The following LDLRAD4 variants were observed in gnomAD, a reference collection of about 807,000 sequenced individuals.
LDLRAD4 encodes low-density lipoprotein receptor class A domain-containing protein 4.
LDLRAD4 carries 5 observed loss-of-function variants against 17.0 expected under a neutral mutation model. That is an observed-to-expected ratio of 0.29 (90% CI 0.15 to 0.62). LDLRAD4 has a LOEUF of 0.62. Among genes scored for constraint, LDLRAD4 ranks in the 20% least tolerant of loss-of-function variants. The pLI, the probability that LDLRAD4 is intolerant of heterozygous loss-of-function variation, is 0.84. For synonymous variants in LDLRAD4, 168 were observed against 171.8 expected, an observed-to-expected ratio of 0.98 and a Z score of 0.17; for missense variants, 340 against 424.7, an observed-to-expected ratio of 0.80 and a Z score of 1.75.
rs182997533 is a variant in LDLRAD4, at chr18:13,220,101, T to G, written c.-467+1113T>G. Among the ~76,000 whole-genome samples the G allele has an allele frequency of 4.1e-3, 627 of 152,368 alleles. 4 individuals carry two copies. Among genetic ancestry groups the G allele is most frequent in the African/African-American group, 0.014 (599 of 41,592 alleles). ...TTCCCATCAACCCTTGAAATGTTATTTGATGGACCTTTCTAAGCAGTGCTT... is the reference window on the plus strand; with the variant it reads ...TTCCCATCAACCCTTGAAATGTTATGTGATGGACCTTTCTAAGCAGTGCTT... On this transcript the variant is annotated intron_variant, in intron 1 of 5. Coordinates refer to the LDLRAD4 transcript ENST00000399848.
chr18:13,551,037 C>T (rs933068946), intron 3 of LDLRAD4, among the ~76,000 whole-genome samples: 7 of 152,110 alleles, frequency 4.6e-5, no homozygotes, highest in Admixed American at 6.5e-5. Context: ...AGCACTGGGC[C>T]CTTCTTATCT....
At chr18:13,610,200 C>G (rs989249772) in intron 3 of LDLRAD4, among the ~76,000 whole-genome samples, 1 of 144,820 alleles carries the variant, frequency 6.9e-6, no homozygotes, top group African/African-American at 2.5e-5. Flanking sequence ...TTTCAAAATG[C>G]AAATATGTTC....
Position 13,643,340 on chromosome 18 carries a change from T to A in LDLRAD4, c.337-19T>A. The A allele has an allele frequency of 6.8e-7, 1 of 1,460,572 alleles. No individual in the cohort carries two copies. Among genetic ancestry groups the A allele is most frequent in the Non-Finnish European group, 9.1e-7 (1 of 1,095,534 alleles). 90.5% of individuals were successfully genotyped at this position (1,460,572 alleles called of 1,614,324 possible). ...CTGTTTCTTGTTCCCCCCACTCTCC[T>A]CCCCTTCCCCTCCGCCAGGAAGGGT... On this transcript the variant is annotated intron_variant, in intron 4 of 5. Coordinates refer to ENST00000359446, the Ensembl canonical transcript of LDLRAD4.
intron 1 of LDLRAD4, among the ~76,000 whole-genome samples, chr18:13,356,208 C>T (rs908647905): frequency 2.0e-5 from 3 of 152,224 alleles, no homozygotes; most frequent in African/African-American, 7.2e-5. Context: ...GTGCTGGGAT[C>T]TGGGGCAGGC....
intron 1 of LDLRAD4, among the ~76,000 whole-genome samples, chr18:13,244,191 C>T (rs933297732): frequency 7.2e-6 from 1 of 139,060 alleles, no homozygotes; most frequent in Non-Finnish European, 1.5e-5. Context: ...AATCCACCAT[C>T]CATTCATCCA....
At chr18:13,347,950 G>T (rs1253412129) in intron 1 of LDLRAD4, among the ~76,000 whole-genome samples, 5 of 152,140 alleles carry the variant, frequency 3.3e-5, no homozygotes, top group Admixed American at 3.3e-4. Flanking sequence ...TCTCTGCATT[G>T]GTTATTCTAG....
chr18:13,532,682 G>A (rs770520916), intron 3 of LDLRAD4, among the ~76,000 whole-genome samples: 40 of 152,346 alleles, frequency 2.6e-4, no homozygotes, highest in South Asian at 8.3e-4. Context: ...TAAACAGGGA[G>A]ATGAATCCAC....
chr18:13,319,755 C>CA (rs1370781633), intron 1 of LDLRAD4, among the ~76,000 whole-genome samples: 1 of 152,110 alleles, frequency 6.6e-6, no homozygotes, highest in African/African-American at 2.4e-5. Context: ...ATATTTATGG[C>CA]AAAAACCATG....
intron 3 of LDLRAD4, among the ~76,000 whole-genome samples, chr18:13,442,211 A>G (rs2091068704): frequency 6.6e-6 from 1 of 152,234 alleles, no homozygotes; most frequent in Non-Finnish European, 1.5e-5. Flanking sequence ...GAAACGAGGA[A>G]TGAAGGAAAA....
intron 2 of LDLRAD4, among the ~76,000 whole-genome samples, chr18:13,389,487 C>T (rs1437259319): frequency 3.9e-5 from 6 of 152,174 alleles, no homozygotes; most frequent in African/African-American, 1.4e-4. Context: ...GGAGCGGCAC[C>T]TAGGATTTGA....
intron 1 of LDLRAD4, among the ~76,000 whole-genome samples, chr18:13,360,740 C>T (rs2083614622): frequency 6.6e-6 from 1 of 152,228 alleles, no homozygotes; most frequent in Non-Finnish European, 1.5e-5. Context: ...CAATTGGCCA[C>T]CCTCTTAAAC....
chr18:13,611,510 G>A (rs1210498850), intron 3 of LDLRAD4: 6 of 985,164 alleles, frequency 6.1e-6, no homozygotes, highest in African/African-American at 3.5e-5. Flanking sequence ...TTTACACTCA[G>A]ATGAAACAAA....
intron 3 of LDLRAD4, among the ~76,000 whole-genome samples, chr18:13,547,407 G>A (rs2094380515): frequency 1.3e-5 from 2 of 152,210 alleles, no homozygotes; most frequent in African/African-American, 4.8e-5. Flanking sequence ...AGGATCCTTA[G>A]GGTGTTGCTT....
intron 2 of LDLRAD4, among the ~76,000 whole-genome samples, chr18:13,416,913 A>G (rs992386739): frequency 3.9e-5 from 6 of 152,214 alleles, no homozygotes; most frequent in East Asian, 1.9e-4. Context: ...TATTATTTCA[A>G]TTAATCCTCA....
chr18:13,612,813 T>C, intron 3 of LDLRAD4: 1 of 1,612,710 alleles, frequency 6.2e-7, no homozygotes, highest in Non-Finnish European at 8.5e-7. Context: ...ATGCATGCTC[T>C]TTCGGGTTTG....
At chr18:13,270,076 G>A (rs1202881334) in intron 1 of LDLRAD4, among the ~76,000 whole-genome samples, 2 of 152,168 alleles carry the variant, frequency 1.3e-5, no homozygotes, top group African/African-American at 4.8e-5. Flanking sequence ...TGCTAGAAAT[G>A]TGGAGGCTGG....
chr18:13,651,546 T>C (rs2043246080), exon 6 of LDLRAD4: 1 of 152,198 alleles, frequency 6.6e-6, no homozygotes, highest in Non-Finnish European at 1.5e-5. Context: ...ACGTTTTGGA[T>C]TGTATATTGT....
At chr18:13,355,349 T>C (rs2083275401) in intron 1 of LDLRAD4, among the ~76,000 whole-genome samples, 1 of 152,224 alleles carries the variant, frequency 6.6e-6, no homozygotes, top group Non-Finnish European at 1.5e-5. Flanking sequence ...GGTCAATTCC[T>C]GCTATGCTGT....
At chr18:13,380,805 C>T (rs1219231192) in intron 1 of LDLRAD4, among the ~76,000 whole-genome samples, 2 of 152,180 alleles carry the variant, frequency 1.3e-5, no homozygotes, top group Admixed American at 6.5e-5. Flanking sequence ...CAAGGCACTA[C>T]GCTACCCTGA....
Sources: gnomAD v4.1 joint callset for allele counts (sites outside exome capture counted in the v4.1 genomes callset) on GRCh38, gnomAD v4.1.1 for gene constraint, MANE v1.5 for transcripts, NCBI Gene and HGNC (gene_info 2026-07-23, HGNC 2026-07-21) for gene names.